The following FGGY variants were observed in gnomAD, a reference collection of about 807,000 sequenced individuals.
FGGY encodes FGGY carbohydrate kinase domain-containing protein.
In FGGY, 72 loss-of-function variants were observed where a neutral mutation model predicts 71.3. That is an observed-to-expected ratio of 1.01 (90% CI 0.84 to 1.23). The LOEUF (loss-of-function observed/expected upper bound fraction) is 1.23, where lower values mean the gene tolerates loss of function less well. Among genes scored for constraint, FGGY ranks in the 50% most tolerant of loss-of-function variants. The pLI, the probability that FGGY is intolerant of heterozygous loss-of-function variation, is 0.00. For synonymous variants in FGGY, 251 were observed against 250.3 expected (o/e 1.00, Z -0.02); for missense variants, 668 against 682.3 (o/e 0.98, Z 0.23).
chr1:59,636,571 C>T (rs1169021193), intron 10 of FGGY, among the ~76,000 whole-genome samples: 6 of 151,950 alleles, frequency 3.9e-5, no homozygotes, highest in African/African-American at 1.5e-4. Flanking sequence ...TGCAGTGAGC[C>T]GAGATCGCGT....
rs147443655 is a variant in FGGY, at chr1:59,320,332, T to A, written c.-14-1204T>A. On this transcript the variant is annotated intron_variant, in intron 1 of 15. Coordinates refer to ENST00000303721, the MANE Select transcript of FGGY (RefSeq NM_018291.5). ...GGTTGATTTTCTTTCAGAATCTCCA[T>A]GTTTGACTTGGCTAGGGAAACATTT... 1.3e-3 allele frequency among the ~76,000 whole-genome samples: 195 copies of A among 152,332 alleles called. 1 individual carries two copies. In the East Asian group the frequency reaches 0.014, roughly 11 times the overall value.
At chr1:59,634,143 A>G (rs12075229) in intron 10 of FGGY, among the ~76,000 whole-genome samples, 11,193 of 152,224 alleles carry the variant, frequency 0.074, 1,104 homozygotes, top group African/African-American at 0.23. Flanking sequence ...GCAGTGGCTC[A>G]CACCTATAAT....
chr1:59,743,762 G>A (rs2098170145), intron 14 of FGGY, among the ~76,000 whole-genome samples: 2 of 152,186 alleles, frequency 1.3e-5, no homozygotes, highest in South Asian at 4.1e-4. Flanking sequence ...TAAAAGGACT[G>A]GAAGTACAAC....
At position 59,345,417 on chromosome 1, in the gene FGGY, G is replaced by A. The variant is rs185543035; in HGVS notation, c.314-830G>A. On this transcript the variant is annotated intron_variant, in intron 3 of 15. Transcript: ENST00000303721. ...TACAGGATGAATTAACAGAGGCTGGGGAGAGAGATAAGGAGTTACTGTGTG... is the reference window on the plus strand; with the variant it reads ...TACAGGATGAATTAACAGAGGCTGGAGAGAGAGATAAGGAGTTACTGTGTG... Among the ~76,000 whole-genome samples, 7 of 152,178 alleles carry A rather than the reference G, an allele frequency of 4.6e-5. No homozygotes were observed. In the East Asian group the frequency reaches 1.4e-3, roughly 29 times the overall value.
chr1:59,346,719 AAAC>A (rs2052010218), intron 4 of FGGY, among the ~76,000 whole-genome samples: 1 of 152,190 alleles, frequency 6.6e-6, no homozygotes, highest in Admixed American at 6.6e-5. Flanking sequence ...CATAGAGATA[AAAC>A]AACTCACTCA....
chr1:59,332,937 C>T (rs1181671627), intron 2 of FGGY, among the ~76,000 whole-genome samples: 1 of 152,142 alleles, frequency 6.6e-6, no homozygotes, highest in Non-Finnish European at 1.5e-5. Flanking sequence ...ATTTCCTATC[C>T]TATTTTCTAT....
chr1:59,468,464 C>T (rs1016677399), intron 6 of FGGY, among the ~76,000 whole-genome samples: 3 of 152,096 alleles, frequency 2.0e-5, no homozygotes, highest in Admixed American at 6.5e-5. Context: ...AGAAGGAAAA[C>T]AAGAATTAAT....
At chr1:59,356,641 A>T (rs2054368437) in intron 4 of FGGY, among the ~76,000 whole-genome samples, 1 of 152,168 alleles carries the variant, frequency 6.6e-6, no homozygotes, top group African/African-American at 2.4e-5. Context: ...GAACTTATTA[A>T]ATCATCTCAT....
intron 14 of FGGY, among the ~76,000 whole-genome samples, chr1:59,722,791 T>G (rs1558908624): frequency 1.3e-5 from 2 of 152,174 alleles, no homozygotes; most frequent in African/African-American, 2.4e-5. Context: ...CTGATTCTTT[T>G]TTTTGTTTTG....
chr1:59,534,526 T>C (rs952446664), intron 7 of FGGY, among the ~76,000 whole-genome samples: 1 of 151,864 alleles, frequency 6.6e-6, no homozygotes, highest in Non-Finnish European at 1.5e-5. Flanking sequence ...AGACACATAA[T>C]TGTCAGATTC....
At chr1:59,676,722 A>T (rs1558769351) in intron 14 of FGGY, among the ~76,000 whole-genome samples, 1 of 152,172 alleles carries the variant, frequency 6.6e-6, no homozygotes. Context: ...GGCTCACAGC[A>T]TTGTAAAGAC....
In FGGY at chr1:59,469,354, C is replaced by A. The variant is rs74925830; in HGVS notation, c.670+12278C>A. 7.9e-3 allele frequency among the ~76,000 whole-genome samples: 1,198 copies of A among 152,276 alleles called. 15 individuals carry two copies. The highest frequency in any genetic ancestry group is 0.011 in the Non-Finnish European group (739 of 68,020). Reference sequence around the variant, plus strand: ...TGGGCATCTGATAAGGGCCTTCTTGCTGCATCATCCCATGGCAAAGGGTGC... The same window carrying A: ...TGGGCATCTGATAAGGGCCTTCTTGATGCATCATCCCATGGCAAAGGGTGC... On this transcript the variant is annotated intron_variant, in intron 6 of 15. Coordinates refer to ENST00000303721, the MANE Select transcript of FGGY (RefSeq NM_018291.5).
At chr1:59,758,370 G>A (rs1280754895) in intron 15 of FGGY, among the ~76,000 whole-genome samples, 1 of 152,166 alleles carries the variant, frequency 6.6e-6, no homozygotes, top group African/African-American at 2.4e-5. Flanking sequence ...AAATGACATT[G>A]GTCAGTATTT....
At chr1:59,756,898 A>ATTTT (rs71281846) in intron 14 of FGGY, among the ~76,000 whole-genome samples, 97 of 145,466 alleles carry the variant, frequency 6.7e-4, no homozygotes, top group African/African-American at 1.7e-3. Flanking sequence ...TGGTATTCAG[A>ATTTT]TTTTTTTTTT....
chr1:59,628,491 C>G (rs953105424), intron 10 of FGGY, among the ~76,000 whole-genome samples: 31 of 152,220 alleles, frequency 2.0e-4, no homozygotes, highest in Non-Finnish European at 4.4e-4. Flanking sequence ...AACTCTGGAC[C>G]AGAGAAAGGA....
intron 14 of FGGY, among the ~76,000 whole-genome samples, chr1:59,745,666 T>C (rs1289862529): frequency 6.6e-6 from 1 of 152,212 alleles, no homozygotes; most frequent in Non-Finnish European, 1.5e-5. Context: ...TGGCTAAATG[T>C]TTCTGTGGAC....
chr1:59,463,540 G>A (rs186169902), intron 6 of FGGY, among the ~76,000 whole-genome samples: 7 of 152,162 alleles, frequency 4.6e-5, no homozygotes, highest in Admixed American at 4.6e-4. Flanking sequence ...ATGGGCTAAA[G>A]GCCCCAATTA....
intron 14 of FGGY, among the ~76,000 whole-genome samples, chr1:59,703,353 A>C (rs1204245743): frequency 6.6e-6 from 1 of 152,150 alleles, no homozygotes; most frequent in African/African-American, 2.4e-5. Context: ...CCCCCACCAC[A>C]ATCCATTGCA....
chr1:59,701,706 G>A (rs552546195), intron 14 of FGGY, among the ~76,000 whole-genome samples: 2 of 152,260 alleles, frequency 1.3e-5, no homozygotes, highest in South Asian at 2.1e-4. Flanking sequence ...CTGTATGTGT[G>A]TGTGTTTCTG....
Sources: allele counts gnomAD v4.1 joint callset (sites outside exome capture counted in the v4.1 genomes callset), GRCh38; gene constraint gnomAD v4.1.1; transcripts MANE v1.5; gene names NCBI Gene and HGNC (gene_info 2026-07-23, HGNC 2026-07-21).